Variants in RBFOX1 observed in about 807,000 individuals in gnomAD.
The protein encoded by RBFOX1 is RNA binding fox-1 homolog 1.
Under a neutral mutation model 57.7 loss-of-function variants are expected in RBFOX1, and 8 were observed. The ratio of observed to expected loss-of-function variants is 0.14; its 90% CI spans 0.08 to 0.25. RBFOX1 has a LOEUF of 0.25. Ranked by LOEUF, RBFOX1 falls within the 10% of genes least tolerant of loss-of-function variation. RBFOX1 has a pLI of 1.00. For synonymous variants in RBFOX1, 326 were observed against 222.4 expected, an observed-to-expected ratio of 1.47 and a Z score of -4.15; for missense variants, 611 against 548.5, an observed-to-expected ratio of 1.11 and a Z score of -1.14.
intron 1 of RBFOX1, among the ~76,000 whole-genome samples, chr16:5,263,683 G>C (rs2062790399): frequency 6.6e-6 from 1 of 152,124 alleles, no homozygotes; most frequent in African/African-American, 2.4e-5. Context: ...GAAAGGCAGA[G>C]GAAGAGGGTC....
At chr16:6,007,103 C>T (rs1174425281) in intron 4 of RBFOX1, among the ~76,000 whole-genome samples, 2 of 152,208 alleles carry the variant, frequency 1.3e-5, no homozygotes, top group East Asian at 1.9e-4. Context: ...GAGGATATGA[C>T]AGTCACCCTC....
At chr16:6,774,405 A>G (rs953953285) in intron 3 of RBFOX1, among the ~76,000 whole-genome samples, 2 of 152,174 alleles carry the variant, frequency 1.3e-5, no homozygotes, top group Non-Finnish European at 2.9e-5. Flanking sequence ...TATGATCACA[A>G]TTTCTAAAAC....
At chr16:6,534,979 C>T (rs1308620362) in intron 2 of RBFOX1, among the ~76,000 whole-genome samples, 1 of 152,114 alleles carries the variant, frequency 6.6e-6, no homozygotes, top group Non-Finnish European at 1.5e-5. Context: ...TATGAGCTTT[C>T]TGCAAATACA....
chr16:7,128,044 C>T (rs1447461146), intron 4 of RBFOX1, among the ~76,000 whole-genome samples: 4 of 152,202 alleles, frequency 2.6e-5, no homozygotes, highest in African/African-American at 9.6e-5. Flanking sequence ...TCAGTCTTGA[C>T]ATCGTCCTCT....
chr16:7,215,881 C>T (rs1204418158), intron 4 of RBFOX1, among the ~76,000 whole-genome samples: 1 of 152,032 alleles, frequency 6.6e-6, no homozygotes, highest in Non-Finnish European at 1.5e-5. Context: ...TCTGCCACGG[C>T]ACCCGGCTAA....
At position 7,146,502 on chromosome 16, in the gene RBFOX1, G is replaced by C. The variant is rs752074842; in HGVS notation, c.27+94404G>C. Among the ~76,000 whole-genome samples, 172 of 152,158 alleles carry C rather than the reference G, an allele frequency of 1.1e-3. 2 individuals carry two copies. The highest frequency in any genetic ancestry group is 3.7e-4 in the Non-Finnish European group (25 of 68,034). ...TGGTCTTCAGCTTTCTGATACTAGAGAGAGCTAGGATGCATAGGCCATCAG... is the reference window on the plus strand; with the variant it reads ...TGGTCTTCAGCTTTCTGATACTAGACAGAGCTAGGATGCATAGGCCATCAG... On this transcript the variant is annotated intron_variant, in intron 4 of 15. Coordinates refer to ENST00000550418, the MANE Select transcript of RBFOX1 (RefSeq NM_018723.4).
At chr16:5,519,679 T>G (rs2043936179) in intron 2 of RBFOX1, among the ~76,000 whole-genome samples, 1 of 152,200 alleles carries the variant, frequency 6.6e-6, no homozygotes, top group Non-Finnish European at 1.5e-5. Context: ...GAACGAAGAT[T>G]ATCTCCCTGC....
chr16:6,751,499 T>G (rs2074927056), intron 3 of RBFOX1, among the ~76,000 whole-genome samples: 1 of 152,214 alleles, frequency 6.6e-6, no homozygotes. Flanking sequence ...AGCAACTCTT[T>G]GCCTCACTTG....
intron 2 of RBFOX1, among the ~76,000 whole-genome samples, chr16:6,373,015 T>A (rs567419304): frequency 4.2e-4 from 63 of 151,190 alleles, no homozygotes; most frequent in African/African-American, 1.5e-3. Flanking sequence ...GGTAGGAGGA[T>A]GGTTGGGTGG....
At chr16:7,625,855 G>C (rs1360122617) in intron 10 of RBFOX1, among the ~76,000 whole-genome samples, 1 of 152,082 alleles carries the variant, frequency 6.6e-6, no homozygotes, top group African/African-American at 2.4e-5. Flanking sequence ...GAAACCTTTG[G>C]ATTCTCACTT....
At chr16:6,907,629 G>A (rs976228784) in intron 3 of RBFOX1, among the ~76,000 whole-genome samples, 2 of 152,140 alleles carry the variant, frequency 1.3e-5, no homozygotes, top group African/African-American at 4.8e-5. Flanking sequence ...GGATTGCAGT[G>A]GCACGATCTT....
intron 2 of RBFOX1, among the ~76,000 whole-genome samples, chr16:5,554,624 A>G (rs577725587): frequency 2.6e-5 from 4 of 152,136 alleles, no homozygotes; most frequent in Admixed American, 6.6e-5. Context: ...TGTAATGTCT[A>G]TCTTGGGGCC....
chr16:6,512,832 C>G (rs534377852), intron 2 of RBFOX1, among the ~76,000 whole-genome samples: 1 of 152,154 alleles, frequency 6.6e-6, no homozygotes, highest in Non-Finnish European at 1.5e-5. Context: ...TGCTCTAGGT[C>G]AAATGATCCA....
At position 6,660,616 on chromosome 16, in the gene RBFOX1, C is replaced by T. The variant is rs141952471; in HGVS notation, c.-16+5966C>T. ...TCTGTGACCTTGAGAAGCTTTCTTA[C>T]CCTGTATATATCTTCATCTGCTTAT... is the stretch of plus-strand genomic sequence containing the variant. On this transcript the variant is annotated intron_variant, in intron 3 of 15. Coordinates refer to ENST00000550418, the MANE Select transcript of RBFOX1 (RefSeq NM_018723.4). Among the ~76,000 whole-genome samples, 183 of 152,226 alleles carry T rather than the reference C, an allele frequency of 1.2e-3. 1 individual carries two copies. The highest frequency in any genetic ancestry group is 4.3e-3 in the African/African-American group (180 of 41,544).
chr16:7,219,229 A>G (rs1419484381), intron 4 of RBFOX1, among the ~76,000 whole-genome samples: 3 of 152,192 alleles, frequency 2.0e-5, no homozygotes, highest in Non-Finnish European at 2.9e-5. Context: ...ATGCTCTACC[A>G]ATTAACACCA....
chr16:6,701,149 G>GTT (rs1447761241), intron 3 of RBFOX1, among the ~76,000 whole-genome samples: 1 of 151,890 alleles, frequency 6.6e-6, no homozygotes, highest in Non-Finnish European at 1.5e-5. Context: ...GTGTGTGTGT[G>GTT]TGTGTGTGTT....
At chr16:7,178,710 T>C (rs2082131996) in intron 4 of RBFOX1, among the ~76,000 whole-genome samples, 2 of 152,204 alleles carry the variant, frequency 1.3e-5, no homozygotes, top group South Asian at 2.1e-4. Flanking sequence ...ATTATCAGTT[T>C]TGTTAATCAC....
intron 4 of RBFOX1, among the ~76,000 whole-genome samples, chr16:7,448,759 A>G (rs1176127840): frequency 6.6e-6 from 1 of 152,098 alleles, no homozygotes; most frequent in Non-Finnish European, 1.5e-5. Context: ...ATTGTCACAC[A>G]TACATTTTCC....
At chr16:6,981,640 A>G (rs150855032) in intron 3 of RBFOX1, among the ~76,000 whole-genome samples, 9 of 152,294 alleles carry the variant, frequency 5.9e-5, no homozygotes, top group East Asian at 3.9e-4. Flanking sequence ...CACATCTTAC[A>G]TAGTGGCAAG....
Sources: gnomAD v4.1 joint callset for allele counts (sites outside exome capture counted in the v4.1 genomes callset) on GRCh38, gnomAD v4.1.1 for gene constraint, MANE v1.5 for transcripts, NCBI Gene and HGNC (gene_info 2026-07-23, HGNC 2026-07-21) for gene names.